The following SCRG1 variants were observed in gnomAD, a reference collection of about 807,000 sequenced individuals.
SCRG1 encodes scrapie-responsive protein 1.
SCRG1 carries 3 observed loss-of-function variants against 7.7 expected under a neutral mutation model. The observed-to-expected ratio is 0.39, with a 90% CI of 0.18 to 1.01. SCRG1 has a LOEUF of 1.01. Ranked by LOEUF, SCRG1 falls within the 50% of genes least tolerant of loss-of-function variation. The probability of loss-of-function intolerance (pLI) is 0.36; values close to 1 mark genes in which losing one functional copy is unlikely to be tolerated. For synonymous variants in SCRG1, 46 were observed against 41.2 expected (o/e 1.12, Z -0.44); for missense variants, 110 against 117.2 (o/e 0.94, Z 0.28).
At chr4:173,451,899 G>A in the SCRG1 span, among the ~76,000 whole-genome samples, 1 of 152,030 alleles carries the variant, frequency 6.6e-6, no homozygotes, top group Non-Finnish European at 1.5e-5. Context: ...TTGAACAAGA[G>A]GTCAGAAGGA....
chr4:173,473,751 A>T, the SCRG1 span, among the ~76,000 whole-genome samples: 2 of 152,208 alleles, frequency 1.3e-5, no homozygotes, highest in Non-Finnish European at 2.9e-5. Context: ...CAGCCACCAC[A>T]TCCCAGAGGC....
chr4:173,507,953 C>A, the SCRG1 span, among the ~76,000 whole-genome samples: 1 of 152,206 alleles, frequency 6.6e-6, no homozygotes, highest in Non-Finnish European at 1.5e-5. The surrounding 1 kb of genome is among the most constrained non-coding windows in gnomAD (Gnocchi z 4.4). Flanking sequence ...GCCCCGAGTG[C>A]GGCTCCCGGA....
At chr4:173,504,551 G>A in the SCRG1 span, among the ~76,000 whole-genome samples, 10 of 152,262 alleles carry the variant, frequency 6.6e-5, no homozygotes, top group African/African-American at 2.4e-4. The surrounding 1 kb of genome is among the most constrained non-coding windows in gnomAD (Gnocchi z 4.7). Flanking sequence ...GAAATCTGGT[G>A]TAATGGAGGC....
chr4:173,437,862 C>T, the SCRG1 span, among the ~76,000 whole-genome samples: 8 of 152,068 alleles, frequency 5.3e-5, no homozygotes, highest in African/African-American at 1.9e-4. Flanking sequence ...AATGAAAAAA[C>T]ATAGGCAGTG....
chr4:173,463,002 A>G, the SCRG1 span, among the ~76,000 whole-genome samples: 1 of 152,188 alleles, frequency 6.6e-6, no homozygotes, highest in Non-Finnish European at 1.5e-5. Flanking sequence ...CACCACAGAA[A>G]ATCATCTCCA....
At chr4:173,441,930 A>G in the SCRG1 span, among the ~76,000 whole-genome samples, 1 of 152,208 alleles carries the variant, frequency 6.6e-6, no homozygotes, top group Admixed American at 6.5e-5. Flanking sequence ...AAAACAAGTA[A>G]TATACATGAT....
chr4:173,419,444 G>A, the SCRG1 span: 1 of 1,013,058 alleles, frequency 9.9e-7, no homozygotes, highest in Non-Finnish European at 1.5e-6. Flanking sequence ...CAAGTCTGGA[G>A]TTACGCTGTT....
At chr4:173,468,060 T>C in the SCRG1 span, 2 of 152,654 alleles carry the variant, frequency 1.3e-5, no homozygotes, top group Admixed American at 6.5e-5. Context: ...AAACCTTTGC[T>C]GAATGTTCAC....
the SCRG1 span, among the ~76,000 whole-genome samples, chr4:173,518,084 T>G: frequency 6.6e-6 from 1 of 152,244 alleles, no homozygotes; most frequent in Admixed American, 6.5e-5. Flanking sequence ...AAATTGCCTA[T>G]CCTTAAGTTT....
At chr4:173,513,957 T>C in the SCRG1 span, among the ~76,000 whole-genome samples, 3 of 152,168 alleles carry the variant, frequency 2.0e-5, no homozygotes, top group Non-Finnish European at 4.4e-5. Context: ...TTACTGCCTA[T>C]TCATGAAAAA....
chr4:173,431,034 G>T, the SCRG1 span, among the ~76,000 whole-genome samples: 1 of 152,116 alleles, frequency 6.6e-6, no homozygotes, highest in Admixed American at 6.5e-5. Context: ...TTCATGATTT[G>T]GATCATGGGT....
chr4:173,509,747 T>C, the SCRG1 span, among the ~76,000 whole-genome samples: 1 of 151,828 alleles, frequency 6.6e-6, no homozygotes, highest in Admixed American at 6.6e-5. The surrounding 1 kb of genome is among the most constrained non-coding windows in gnomAD (Gnocchi z 5.7). Flanking sequence ...GGGGGAGATA[T>C]CCAGGAGCTG....
the SCRG1 span, among the ~76,000 whole-genome samples, chr4:173,434,240 A>G: frequency 2.0e-5 from 3 of 152,220 alleles, no homozygotes; most frequent in Non-Finnish European, 4.4e-5. Context: ...GAGGAATTTC[A>G]TTTCAAAAAT....
At chr4:173,417,100 ACAC>A in the SCRG1 span, among the ~76,000 whole-genome samples, 1 of 148,890 alleles carries the variant, frequency 6.7e-6, no homozygotes, top group Non-Finnish European at 1.5e-5. Flanking sequence ...ATCACACACA[ACAC>A]ACACACACAC....
chr4:173,430,050 A>G, the SCRG1 span, among the ~76,000 whole-genome samples: 1 of 151,942 alleles, frequency 6.6e-6, no homozygotes, highest in Non-Finnish European at 1.5e-5. Flanking sequence ...TTTAATGGCC[A>G]TGAAAGTACA....
the SCRG1 span, among the ~76,000 whole-genome samples, chr4:173,485,986 A>T: frequency 2.0e-5 from 3 of 152,268 alleles, no homozygotes; most frequent in Admixed American, 2.0e-4. Context: ...AACAAAAAAA[A>T]TTGTATGATT....
chr4:173,421,576 T>A, the SCRG1 span, among the ~76,000 whole-genome samples: 2 of 152,208 alleles, frequency 1.3e-5, no homozygotes, highest in African/African-American at 4.8e-5. Flanking sequence ...GAGGGGATGT[T>A]AATTCTGGTC....
the SCRG1 span, among the ~76,000 whole-genome samples, chr4:173,481,256 A>G: frequency 6.6e-6 from 1 of 152,178 alleles, no homozygotes; most frequent in East Asian, 1.9e-4. Context: ...GTTTAAATCC[A>G]TATAAATTGG....
chr4:173,432,836 T>G, the SCRG1 span, among the ~76,000 whole-genome samples: 2 of 152,232 alleles, frequency 1.3e-5, no homozygotes, highest in African/African-American at 4.8e-5. Context: ...CAGAGTGCTG[T>G]GTGATTTATT....
Sources: gnomAD v4.1 joint callset for allele counts (sites outside exome capture counted in the v4.1 genomes callset) on GRCh38, gnomAD v4.1.1 for gene constraint, Gnocchi (gnomAD v3.1) non-coding constraint, MANE v1.5 for transcripts, NCBI Gene and HGNC (gene_info 2026-07-23, HGNC 2026-07-21) for gene names.